The following KTN1 variants were observed in gnomAD, a reference collection of about 807,000 sequenced individuals.
The protein encoded by KTN1 is kinectin 1.
KTN1 carries 130 observed loss-of-function variants against 222.5 expected under a neutral mutation model. That is an observed-to-expected ratio of 0.58 (90% CI 0.51 to 0.68). The LOEUF is 0.68. Among genes scored for constraint, KTN1 ranks in the 30% least tolerant of loss-of-function variants. The pLI is 0.00. For synonymous variants in KTN1, 512 were observed against 496.3 expected, an observed-to-expected ratio of 1.03 and a Z score of -0.42; for missense variants, 1,508 against 1,500.4, an observed-to-expected ratio of 1.01 and a Z score of -0.08.
At chr14:55,648,903 C>T (rs2042657698) in intron 21 of KTN1, 33 bp downstream of exon 21, 3 of 1,376,112 alleles carry the variant, frequency 2.2e-6, no homozygotes, top group African/African-American at 2.9e-5. Context: ...TTCTTTGTCT[C>T]TGTGTTTTTT....
intron 1 of KTN1, among the ~76,000 whole-genome samples, chr14:55,611,759 A>G (rs1034063223): frequency 2.0e-5 from 3 of 152,198 alleles, no homozygotes; most frequent in African/African-American, 4.8e-5. Context: ...TTTCTCTTCA[A>G]TTAGGATATT....
chr14:55,638,979 T>C (rs910931607), intron 12 of KTN1, among the ~76,000 whole-genome samples: 2 of 151,838 alleles, frequency 1.3e-5, no homozygotes, highest in South Asian at 4.1e-4. Context: ...TCTTGTGATA[T>C]GTAATTCGTG....
intron 8 of KTN1, among the ~76,000 whole-genome samples, chr14:55,633,913 C>T (rs1460518401): frequency 2.6e-5 from 4 of 152,064 alleles, no homozygotes; most frequent in Admixed American, 6.6e-5. Flanking sequence ...CCGAGGCAGG[C>T]GGATCACCTG....
chr14:55,595,169 TC>T (rs1184490106), intron 1 of KTN1, among the ~76,000 whole-genome samples: 1 of 145,046 alleles, frequency 6.9e-6, no homozygotes, highest in Non-Finnish European at 1.6e-5. Context: ...ATAGATCTGT[TC>T]CATATGATTT....
At chr14:55,611,345 G>A (rs775528174) in intron 1 of KTN1, among the ~76,000 whole-genome samples, 13 of 146,278 alleles carry the variant, frequency 8.9e-5, no homozygotes, top group Non-Finnish European at 1.5e-4. Context: ...CAAGTGATCC[G>A]TCTGCCTCAG....
intron 6 of KTN1, among the ~76,000 whole-genome samples, chr14:55,628,324 C>T (rs2040104056): frequency 6.6e-6 from 1 of 152,116 alleles, no homozygotes; most frequent in African/African-American, 2.4e-5. Flanking sequence ...TAGATCTGTT[C>T]TCAATAGAAA....
Position 55,612,079 on chromosome 14 carries a change from G to T in KTN1, c.31G>T (p.Val11Phe). ...GTTTTATGAGTCAGCATATTTTATT[G>T]TTCTTATTCCTTCAATAGTTATTAC... MEFYESAYFI[V>F]LIPSIVITVI... Residue 11 changes from valine to phenylalanine, a missense_variant, in exon 2 of 44, where the codon GTT becomes TTT. By Grantham distance (50) the Val-to-Phe change is conservative. Transcript: ENST00000395314. 6.6e-7 allele frequency: 1 copy of T among 1,506,464 alleles called. No homozygotes were observed. The highest frequency in any genetic ancestry group is 1.4e-5 in the South Asian group (1 of 72,304). 93.3% of individuals were successfully genotyped at this position (1,506,464 alleles called of 1,614,324 possible). A position where few individuals can be genotyped will look rare whatever the true frequency, so the allele number is the denominator to read the frequency against.
intron 15 of KTN1, 64 bp downstream of exon 15, chr14:55,640,506 T>G: frequency 8.9e-7 from 1 of 1,129,154 alleles, no homozygotes; most frequent in South Asian, 1.4e-5. Context: ...TTATTTTCAT[T>G]GATATTGTGA....
Position 55,634,648 on chromosome 14 carries a change from C to T in KTN1, c.1451C>T (p.Thr484Ile), listed in dbSNP as rs755310818. The T allele has an allele frequency of 6.2e-7, 1 of 1,612,436 alleles. No individual in the cohort carries two copies. Among genetic ancestry groups the T allele is most frequent in the Non-Finnish European group, 8.5e-7 (1 of 1,179,312 alleles). ...AAGAAGAATGCTGAGCAAGCAGCTACTCAGTTGAAGGTGATATATTCTCAC... is the reference window on the plus strand; with the variant it reads ...AAGAAGAATGCTGAGCAAGCAGCTATTCAGTTGAAGGTGATATATTCTCAC... ...VQKKNAEQAA[T>I]QLKVQLQEAE... The change falls in exon 9 of 44, where the codon ACT (threonine) becomes ATT (isoleucine). Residue 484 changes from threonine (T) to isoleucine (I), a missense_variant. Coordinates refer to ENST00000395314, the MANE Select transcript of KTN1 (RefSeq NM_001079521.2).
intron 1 of KTN1, among the ~76,000 whole-genome samples, chr14:55,601,286 T>G (rs2035934377): frequency 6.6e-6 from 1 of 152,232 alleles, no homozygotes. Context: ...TGTTGCAGTT[T>G]AAAAGGAGAA....
chr14:55,594,754 T>C (rs1273051983), intron 1 of KTN1, among the ~76,000 whole-genome samples: 1 of 152,226 alleles, frequency 6.6e-6, no homozygotes, highest in African/African-American at 2.4e-5. Context: ...AAGACAAATT[T>C]GTGTAGGTAT....
At chr14:55,645,052 G>A (rs781197720) in intron 18 of KTN1, among the ~76,000 whole-genome samples, 6 of 152,268 alleles carry the variant, frequency 3.9e-5, no homozygotes, top group Admixed American at 3.9e-4. Flanking sequence ...TAAACAGAAA[G>A]TTATGGTGAA....
chr14:55,609,752 C>CT (rs2037268204), intron 1 of KTN1, among the ~76,000 whole-genome samples: 1 of 152,148 alleles, frequency 6.6e-6, no homozygotes, highest in African/African-American at 2.4e-5. Flanking sequence ...ATTACTGCTG[C>CT]TAAGTGCCTT....
chr14:55,613,685 T>G (rs2140648916), intron 2 of KTN1, among the ~76,000 whole-genome samples: 1 of 149,828 alleles, frequency 6.7e-6, no homozygotes, highest in South Asian at 2.2e-4. Flanking sequence ...GCCAGAGTGG[T>G]CTCGAACTCC....
chr14:55,663,821 A>G (rs2044406618), intron 32 of KTN1, 134 bp from the exon 33 acceptor site: 1 of 591,122 alleles, frequency 1.7e-6, no homozygotes, highest in South Asian at 2.4e-5. Context: ...TTTTTTGCTA[A>G]TATGCATATT....
chr14:55,610,109 A>G (rs888838519), intron 1 of KTN1, among the ~76,000 whole-genome samples: 1 of 152,180 alleles, frequency 6.6e-6, no homozygotes, highest in Non-Finnish European at 1.5e-5. Flanking sequence ...TATAACTAAT[A>G]CTATTAAAAA....
chr14:55,596,817 CA>C (rs2035120855), intron 1 of KTN1, among the ~76,000 whole-genome samples: 1 of 146,282 alleles, frequency 6.8e-6, no homozygotes, highest in African/African-American at 2.5e-5. Flanking sequence ...TTTTTTTTGA[CA>C]AAGTTTTTTT....
intron 24 of KTN1, 23 bp from the exon 25 acceptor site, chr14:55,651,867 T>G (rs1390878506): frequency 1.3e-6 from 2 of 1,494,260 alleles, no homozygotes; most frequent in African/African-American, 2.8e-5. Flanking sequence ...TATTAATTGA[T>G]TTTTCTGTCC....
intron 34 of KTN1, 57 bp from the exon 35 acceptor site, chr14:55,670,672 T>C (rs1337417481): frequency 4.0e-6 from 5 of 1,262,168 alleles, no homozygotes; most frequent in South Asian, 1.4e-5. Flanking sequence ...TTCACCTGTT[T>C]TATTTGGATT....
Sources: allele counts gnomAD v4.1 joint callset (sites outside exome capture counted in the v4.1 genomes callset), GRCh38; gene constraint gnomAD v4.1.1; transcripts MANE v1.5; gene names NCBI Gene and HGNC (gene_info 2026-07-23, HGNC 2026-07-21).